The following GTF2H1 variants were observed in gnomAD, a reference collection of about 807,000 sequenced individuals.
GTF2H1 encodes the protein BTF2 p62.
A neutral mutation model predicts 71.2 loss-of-function variants in GTF2H1; 16 were observed. The observed-to-expected ratio is 0.22, with a 90% CI of 0.15 to 0.34. The LOEUF is 0.34. GTF2H1 is among the 10% of genes least tolerant of loss of function. GTF2H1 has a pLI of 1.00. For missense variants in GTF2H1, 498 were observed against 648.2 expected (o/e 0.77, Z 2.52); for synonymous variants, 215 against 219.0 (o/e 0.98, Z 0.16).
chr11:18,325,983 T>C (rs1189575482), intron 1 of GTF2H1: 2 of 152,136 alleles, frequency 1.3e-5, no homozygotes, highest in Non-Finnish European at 2.9e-5. Flanking sequence ...ACTCAAGGAA[T>C]ACACTCAAGA....
chr11:18,346,179 A>G (rs1455055762), intron 7 of GTF2H1, among the ~76,000 whole-genome samples: 2 of 152,262 alleles, frequency 1.3e-5, no homozygotes, highest in South Asian at 4.1e-4. Context: ...ATACAGTCTC[A>G]TGACACAATA....
chr11:18,329,007 A>G (rs1474326464), intron 1 of GTF2H1, among the ~76,000 whole-genome samples: 1 of 152,218 alleles, frequency 6.6e-6, no homozygotes, highest in African/African-American at 2.4e-5. Flanking sequence ...ATCCTTTATC[A>G]TATTTGATAT....
At chr11:18,349,621 C>T (rs1468319455) in intron 9 of GTF2H1, among the ~76,000 whole-genome samples, 5 of 152,116 alleles carry the variant, frequency 3.3e-5, no homozygotes, top group East Asian at 1.9e-4. Flanking sequence ...AGGCGGAGTT[C>T]GCAGTGAGCT....
intron 10 of GTF2H1, 100 bp downstream of exon 10, chr11:18,352,069 C>G (rs1865441625): frequency 1.4e-6 from 1 of 704,616 alleles, no homozygotes; most frequent in Non-Finnish European, 2.5e-6. Flanking sequence ...TCGTCACCAT[C>G]AAAGTACAAT....
chr11:18,358,505 G>A lies in GTF2H1; in HGVS notation c.1352-20G>A. ...TGTTAAAATAGCTCTTAACCTATGG[G>A]CCTTGTTCTTCTTTTGCAGAGATGG... On this transcript the variant is annotated intron_variant, in intron 12 of 14. Coordinates refer to ENST00000265963, the MANE Select transcript of GTF2H1 (RefSeq NM_005316.4). The A allele has an allele frequency of 7.4e-7, 1 of 1,359,302 alleles. No individual in the cohort carries two copies. Among genetic ancestry groups the A allele is most frequent in the Non-Finnish European group, 1.1e-6 (1 of 948,038 alleles). 84.2% of individuals were successfully genotyped at this position (1,359,302 alleles called of 1,614,324 possible).
intron 7 of GTF2H1, 193 bp from the exon 8 acceptor site, chr11:18,347,395 A>G: frequency 2.1e-6 from 1 of 486,472 alleles, no homozygotes; most frequent in Non-Finnish European, 3.6e-6. Flanking sequence ...GTAATGCTAA[A>G]ACGAGTTAGT....
chr11:18,324,544 T>TA (rs1864713061), intron 1 of GTF2H1, among the ~76,000 whole-genome samples: 1 of 152,210 alleles, frequency 6.6e-6, no homozygotes. Flanking sequence ...TGCCCTCTGA[T>TA]AACCTGCTTC....
chr11:18,356,025 A>G (rs1865535917), intron 11 of GTF2H1, among the ~76,000 whole-genome samples: 1 of 152,064 alleles, frequency 6.6e-6, no homozygotes, highest in South Asian at 2.1e-4. Context: ...TTCCAGGCTT[A>G]TCTTACATCT....
At chr11:18,349,649 C>T (rs922579966) in intron 9 of GTF2H1, among the ~76,000 whole-genome samples, 6 of 152,130 alleles carry the variant, frequency 3.9e-5, no homozygotes, top group African/African-American at 1.4e-4. Flanking sequence ...CGTCGCTGCA[C>T]TCCAGCCTGG....
chr11:18,352,014 G>A, intron 10 of GTF2H1, 45 bp downstream of exon 10: 1 of 937,112 alleles, frequency 1.1e-6, no homozygotes. Context: ...TAACAATTCA[G>A]TCCAAAATAT....
Position 18,366,538 on chromosome 11 carries a change from G to T in GTF2H1, c.*669G>T, listed in dbSNP as rs1012118500. 2.0e-5 allele frequency: 3 copies of T among 152,590 alleles called. No homozygotes were observed. Among genetic ancestry groups the T allele is most frequent in the African/African-American group, 7.2e-5 (3 of 41,432 alleles). The allele number at this position is 152,590 out of a possible 1,614,324, so 9.5% of individuals were successfully genotyped here. On this transcript the variant is annotated 3_prime_UTR_variant, in exon 15 of 15. Transcript: ENST00000265963. ...ACGGAAATAAGAAACGATAAATATT[G>T]CACTGAATGTTTGTGGTTTGGAGTC... is the stretch of plus-strand genomic sequence containing the variant.
Position 18,347,575 on chromosome 11 carries a change from T to G in GTF2H1, c.838-13T>G. 6.4e-7 allele frequency: 1 copy of G among 1,563,482 alleles called. No homozygotes were observed. Among genetic ancestry groups the G allele is most frequent in the South Asian group, 1.2e-5 (1 of 82,814 alleles). Reference sequence around the variant, plus strand: ...ACCTTTTTAAAAAATTTTTAATCTATTATTTCTCACAGGGCTATGGCATTT... The same window carrying G: ...ACCTTTTTAAAAAATTTTTAATCTAGTATTTCTCACAGGGCTATGGCATTT... On this transcript the variant is annotated splice_polypyrimidine_tract_variant and intron_variant, in intron 7 of 14. Transcript: ENST00000265963.
At chr11:18,323,800 CACAGTTTGAAA>C (rs4150540) in intron 1 of GTF2H1, among the ~76,000 whole-genome samples, 6,815 of 152,246 alleles carry the variant, frequency 0.045, 436 homozygotes, top group African/African-American at 0.14. Flanking sequence ...CTCCTTGGAA[CACAGTTTGAAA>C]ACCACTGAAC....
intron 13 of GTF2H1, among the ~76,000 whole-genome samples, chr11:18,359,819 T>TCC (rs1364497186): frequency 1.3e-5 from 2 of 151,398 alleles, no homozygotes; most frequent in African/African-American, 4.8e-5. Flanking sequence ...GAGGTGATTC[T>TCC]CCCACCTCAG....
intron 1 of GTF2H1, among the ~76,000 whole-genome samples, chr11:18,332,384 G>A (rs900775377): frequency 6.6e-6 from 1 of 152,162 alleles, no homozygotes; most frequent in Non-Finnish European, 1.5e-5. Context: ...GGAGGATTTG[G>A]GTTGGGCATT....
At position 18,335,819 on chromosome 11, in the gene GTF2H1, A is replaced by G; in HGVS notation, c.220A>G (p.Thr74Ala). Residue 74 changes from threonine (T) to alanine (A), a missense_variant, in exon 3 of 15, where the codon ACA (threonine) becomes GCA (alanine). This residue lies in a region of GTF2H1 where 216 missense variants were observed against 306.2 expected (regional missense o/e 0.71). Coordinates refer to ENST00000265963, the MANE Select transcript of GTF2H1 (RefSeq NM_005316.4). The part of the protein sequence containing the change: ...QLQLVLHAGD[T>A]TNFHFSNEST... ...TCAGCTGGTCCTACATGCAGGGGAC[A>G]CAACTAACTTCCATTTTTCCAATGA... is the stretch of plus-strand genomic sequence containing the variant. 15 of 1,614,110 alleles carry G rather than the reference A, an allele frequency of 9.3e-6. No individual in the cohort carries two copies. The highest frequency in any genetic ancestry group is 1.3e-5 in the Non-Finnish European group (15 of 1,179,918).
At chr11:18,343,951 T>A (rs539005845) in intron 7 of GTF2H1, among the ~76,000 whole-genome samples, 8 of 152,272 alleles carry the variant, frequency 5.3e-5, no homozygotes, top group African/African-American at 1.4e-4. Context: ...TGCCTTAGGC[T>A]CCTGAGTAGC....
intron 7 of GTF2H1, among the ~76,000 whole-genome samples, chr11:18,346,831 G>A (rs894063230): frequency 6.8e-6 from 1 of 146,182 alleles, no homozygotes; most frequent in African/African-American, 2.5e-5. Context: ...TGCCTCCTGG[G>A]TTCAAGTGAT....
intron 2 of GTF2H1, among the ~76,000 whole-genome samples, chr11:18,334,392 C>T (rs1864975812): frequency 6.6e-6 from 1 of 152,138 alleles, no homozygotes; most frequent in Non-Finnish European, 1.5e-5. Context: ...ACATATATTT[C>T]TGAGAGAATG....
Sources: gnomAD v4.1 joint callset for allele counts (sites outside exome capture counted in the v4.1 genomes callset) on GRCh38, gnomAD v4.1.1 for gene constraint, gnomAD v4.1.1 regional missense constraint, MANE v1.5 for transcripts, NCBI Gene and HGNC (gene_info 2026-07-23, HGNC 2026-07-21) for gene names.